Variants in MYO1D observed in about 807,000 individuals in gnomAD.
MYO1D encodes unconventional myosin-Id.
MYO1D carries 83 observed loss-of-function variants against 122.0 expected under a neutral mutation model. The observed-to-expected ratio is 0.68, with a 90% CI of 0.57 to 0.82. The LOEUF (loss-of-function observed/expected upper bound fraction) is 0.82. Ranked by LOEUF, MYO1D falls within the 40% of genes least tolerant of loss-of-function variation. MYO1D has a pLI of 0.00. For synonymous variants in MYO1D, 464 were observed against 446.9 expected (o/e 1.04, Z -0.48); for missense variants, 1,157 against 1,269.5 (o/e 0.91, Z 1.35).
chr17:32,613,787 C>T lies in MYO1D; in HGVS notation c.2710-8546G>A, dbSNP rs781772244. On this transcript the variant is annotated intron_variant, in intron 20 of 21. Coordinates refer to ENST00000318217, the MANE Select transcript of MYO1D (RefSeq NM_015194.3). ...CCTGGGCGACAGAGCAAGATTCCAT[C>T]TCAAAAAAAAAAAAAAAAAAAAAAA... 4.4e-4 allele frequency among the ~76,000 whole-genome samples: 9 copies of T among 20,510 alleles called. No homozygotes were observed. The South Asian group carries it at 0.012, about 28-fold the overall frequency. The allele number at this position is 20,510 out of a possible 152,430, so 13.5% of individuals were successfully genotyped here. A position where few individuals can be genotyped will look rare whatever the true frequency, so the allele number is the denominator to read the frequency against.
chr17:32,704,559 AT>A (rs918536077), intron 16 of MYO1D, among the ~76,000 whole-genome samples: 106 of 152,338 alleles, frequency 7.0e-4, no homozygotes, highest in African/African-American at 2.5e-3. Context: ...GTGTCTGAGA[AT>A]TTATTCCAAC....
intron 21 of MYO1D, among the ~76,000 whole-genome samples, chr17:32,561,251 T>A (rs1227328855): frequency 1.3e-5 from 2 of 152,126 alleles, no homozygotes; most frequent in Non-Finnish European, 2.9e-5. Flanking sequence ...TTTTTGAAAA[T>A]GTGTAAGAGT....
At chr17:32,742,118 CA>C (rs571462614) in intron 13 of MYO1D, among the ~76,000 whole-genome samples, 20 of 151,680 alleles carry the variant, frequency 1.3e-4, no homozygotes, top group Non-Finnish European at 2.2e-4. Context: ...ATTCTCTAAA[CA>C]ATACAACAAC....
intron 21 of MYO1D, among the ~76,000 whole-genome samples, chr17:32,575,357 C>T (rs1350299048): frequency 6.6e-6 from 1 of 152,224 alleles, no homozygotes; most frequent in Non-Finnish European, 1.5e-5. Flanking sequence ...CAAAGCCTTA[C>T]ATTTGATTTC....
chr17:32,652,415 T>G (rs2088404967), intron 19 of MYO1D, among the ~76,000 whole-genome samples: 1 of 152,204 alleles, frequency 6.6e-6, no homozygotes, highest in Non-Finnish European at 1.5e-5. Flanking sequence ...ACTTGGGCCT[T>G]TATTATGAGG....
intron 13 of MYO1D, among the ~76,000 whole-genome samples, chr17:32,740,293 C>T (rs1350140161): frequency 6.6e-6 from 1 of 152,142 alleles, no homozygotes; most frequent in African/African-American, 2.4e-5. Context: ...AGTTTCTACT[C>T]CAAATTCTTT....
At chr17:32,599,275 C>T (rs1247362525) in intron 21 of MYO1D, among the ~76,000 whole-genome samples, 1 of 151,088 alleles carries the variant, frequency 6.6e-6, no homozygotes, top group Non-Finnish European at 1.5e-5. Flanking sequence ...GGTGTAGATT[C>T]CATCTTAAGA....
intron 20 of MYO1D, among the ~76,000 whole-genome samples, chr17:32,611,509 C>A (rs1401956576): frequency 6.6e-6 from 1 of 152,124 alleles, no homozygotes. Context: ...GTTATCTACA[C>A]AGGAAAATAA....
intron 21 of MYO1D, among the ~76,000 whole-genome samples, chr17:32,538,718 C>T (rs574170042): frequency 9.9e-5 from 15 of 151,998 alleles, no homozygotes; most frequent in Admixed American, 3.3e-4. Flanking sequence ...AATGATAGAC[C>T]GGATAAAGAA....
chr17:32,873,468 C>T (rs140794767), intron 1 of MYO1D, among the ~76,000 whole-genome samples: 1 of 152,174 alleles, frequency 6.6e-6, no homozygotes, highest in Admixed American at 6.5e-5. Flanking sequence ...ACCAATGGAC[C>T]AAACACGCTC....
chr17:32,847,981 A>G (rs970715073), intron 1 of MYO1D, among the ~76,000 whole-genome samples: 1 of 152,250 alleles, frequency 6.6e-6, no homozygotes, highest in Admixed American at 6.5e-5. Context: ...GCCGTAAAGT[A>G]CAAGTATTTC....
chr17:32,869,634 C>T (rs1159238089), intron 1 of MYO1D, among the ~76,000 whole-genome samples: 3 of 152,196 alleles, frequency 2.0e-5, no homozygotes, highest in Non-Finnish European at 2.9e-5. Context: ...AGAATGTCAA[C>T]GAACAGCTCT....
intron 1 of MYO1D, among the ~76,000 whole-genome samples, chr17:32,815,972 T>C (rs1363018328): frequency 6.6e-6 from 1 of 152,228 alleles, no homozygotes; most frequent in East Asian, 1.9e-4. Context: ...ACAAATCCTT[T>C]ATCCATGGTA....
At chr17:32,519,856 A>G (rs973119710) in intron 21 of MYO1D, among the ~76,000 whole-genome samples, 8 of 151,434 alleles carry the variant, frequency 5.3e-5, no homozygotes, top group Admixed American at 2.0e-4. Context: ...TAAGACAAAA[A>G]CATTGAACAA....
chr17:32,753,177 G>A (rs777618971), intron 11 of MYO1D, among the ~76,000 whole-genome samples: 14 of 152,050 alleles, frequency 9.2e-5, no homozygotes, highest in Non-Finnish European at 1.5e-4. Context: ...GTACATTTTC[G>A]CTTGTAAGTG....
At chr17:32,534,475 A>G (rs1910601256) in intron 21 of MYO1D, among the ~76,000 whole-genome samples, 1 of 152,316 alleles carries the variant, frequency 6.6e-6, no homozygotes, top group East Asian at 1.9e-4. Context: ...GCCCAGCTGG[A>G]AAAATATATT....
chr17:32,547,923 C>T (rs1225318119), intron 21 of MYO1D, among the ~76,000 whole-genome samples: 1 of 150,590 alleles, frequency 6.6e-6, no homozygotes, highest in Non-Finnish European at 1.5e-5. Flanking sequence ...GCACTCCAGC[C>T]TGGGTGAAGG....
intron 16 of MYO1D, among the ~76,000 whole-genome samples, chr17:32,693,133 A>C (rs2150975207): frequency 6.6e-6 from 1 of 152,312 alleles, no homozygotes; most frequent in East Asian, 1.9e-4. Context: ...AAGTTTTGTA[A>C]TTTAATTTAA....
chr17:32,822,389 G>T (rs562007739), intron 1 of MYO1D, among the ~76,000 whole-genome samples: 2 of 146,836 alleles, frequency 1.4e-5, no homozygotes, highest in South Asian at 2.3e-4. Flanking sequence ...TAGGGGGAGG[G>T]GGGAGGGATA....
Sources: allele counts gnomAD v4.1 joint callset (sites outside exome capture counted in the v4.1 genomes callset), GRCh38; gene constraint gnomAD v4.1.1; transcripts MANE v1.5; gene names NCBI Gene and HGNC (gene_info 2026-07-23, HGNC 2026-07-21).